Variants in COBL observed in about 807,000 individuals in gnomAD.
The protein encoded by COBL is protein cordon-bleu.
A neutral mutation model predicts 98.8 loss-of-function variants in COBL; 51 were observed. The ratio of observed to expected loss-of-function variants is 0.52; its 90% CI spans 0.41 to 0.65. The LOEUF (loss-of-function observed/expected upper bound fraction) is 0.65, where lower values mean the gene tolerates loss of function less well. Among genes scored for constraint, COBL ranks in the 30% least tolerant of loss-of-function variants. The pLI, the probability that COBL is intolerant of heterozygous loss-of-function variation, is 0.00. For missense variants in COBL, 1,617 were observed against 1,617.5 expected (o/e 1.00, Z 0.01); for synonymous variants, 634 against 651.7 (o/e 0.97, Z 0.41).
intron 1 of COBL, among the ~76,000 whole-genome samples, chr7:51,273,796 A>G (rs1005595083): frequency 6.6e-6 from 1 of 152,204 alleles, no homozygotes; most frequent in Non-Finnish European, 1.5e-5. Context: ...AATTAAATAC[A>G]ATTCCCAAAA....
At chr7:51,204,428 C>G (rs1791454952) in intron 2 of COBL, among the ~76,000 whole-genome samples, 1 of 151,964 alleles carries the variant, frequency 6.6e-6, no homozygotes, top group South Asian at 2.1e-4. Context: ...TGAAATTATC[C>G]CGGGTTACAA....
intron 7 of COBL, chr7:51,070,984 A>G (rs1176620889): frequency 2.6e-5 from 4 of 152,232 alleles, no homozygotes. Flanking sequence ...CACTGGCAAC[A>G]TGGTCTCCAG....
chr7:51,295,477 T>C (rs1351871254), intron 1 of COBL, among the ~76,000 whole-genome samples: 1 of 152,158 alleles, frequency 6.6e-6, no homozygotes, highest in Non-Finnish European at 1.5e-5. Context: ...CTGGGACCAA[T>C]GAAATAATCT....
chr7:51,061,737 G>A (rs1349064599), intron 7 of COBL, among the ~76,000 whole-genome samples: 1 of 152,094 alleles, frequency 6.6e-6, no homozygotes, highest in Non-Finnish European at 1.5e-5. Flanking sequence ...AGGCAGGGAA[G>A]GGTGAATGTG....
Position 51,016,697 on chromosome 7 carries a change from G to A in COBL, c.*854C>T. On this transcript the variant is annotated 3_prime_UTR_variant, in exon 13 of 13. Transcript: ENST00000265136. ...CATCCCTGCTCCTTGACCCTCTGCA[G>A]GATTCCAGAAGGCTCCCAGTGAAGT... 2.7e-6 allele frequency: 1 copy of A among 364,396 alleles called. No homozygotes were observed. The allele number at this position is 364,396 out of a possible 1,614,324, so 22.6% of individuals were successfully genotyped here. A position where few individuals can be genotyped will look rare whatever the true frequency, so the allele number is the denominator to read the frequency against.
At chr7:51,079,537 T>C (rs1031200952) in intron 7 of COBL, among the ~76,000 whole-genome samples, 1 of 152,188 alleles carries the variant, frequency 6.6e-6, no homozygotes. Flanking sequence ...CTTAAACTAG[T>C]AGAGGAGGCA....
chr7:51,279,921 C>T (rs1799662952), intron 1 of COBL, among the ~76,000 whole-genome samples: 1 of 152,088 alleles, frequency 6.6e-6, no homozygotes, highest in South Asian at 2.1e-4. Flanking sequence ...AAGGTTTTTC[C>T]ATGTCTTTCT....
At chr7:51,025,706 C>A (rs1408907267) in intron 11 of COBL, among the ~76,000 whole-genome samples, 2 of 152,188 alleles carry the variant, frequency 1.3e-5, no homozygotes, top group Admixed American at 1.3e-4. Flanking sequence ...TTACAAGCCA[C>A]CCAGTCTGTC....
chr7:51,074,482 A>C (rs757821192), intron 7 of COBL, among the ~76,000 whole-genome samples: 16 of 152,152 alleles, frequency 1.1e-4, no homozygotes, highest in Non-Finnish European at 2.4e-4. Flanking sequence ...GCGTGAAGGT[A>C]ATGATATTTA....
At chr7:51,043,733 C>T in intron 7 of COBL, 41 bp from the exon 8 acceptor site, 4 of 1,561,596 alleles carry the variant, frequency 2.6e-6, no homozygotes, top group Non-Finnish European at 2.6e-6. Flanking sequence ...CCAAACCACT[C>T]TGGCGTCCAT....
At chr7:51,049,787 G>A (rs922812574) in intron 7 of COBL, among the ~76,000 whole-genome samples, 3 of 152,206 alleles carry the variant, frequency 2.0e-5, no homozygotes, top group African/African-American at 7.2e-5. Context: ...TAGTGTCTGT[G>A]TGCACACACG....
intron 6 of COBL, among the ~76,000 whole-genome samples, chr7:51,112,735 A>C (rs1043547625): frequency 1.3e-5 from 2 of 152,194 alleles, no homozygotes; most frequent in Non-Finnish European, 2.9e-5. Flanking sequence ...GGGTCCTTGC[A>C]TAAGAATGCT....
At chr7:51,223,460 C>T (rs1003952571) in intron 1 of COBL, among the ~76,000 whole-genome samples, 2 of 152,202 alleles carry the variant, frequency 1.3e-5, no homozygotes, top group East Asian at 1.9e-4. Flanking sequence ...GGCTCAGTGA[C>T]GTCACACATC....
intron 6 of COBL, among the ~76,000 whole-genome samples, chr7:51,130,146 A>G (rs1798601431): frequency 1.3e-5 from 2 of 152,174 alleles, no homozygotes; most frequent in South Asian, 4.1e-4. Context: ...GTCTGTCCTC[A>G]TCATCTCATA....
chr7:51,177,794 A>C (rs1788530246), intron 5 of COBL, among the ~76,000 whole-genome samples: 1 of 150,568 alleles, frequency 6.6e-6, no homozygotes, highest in Non-Finnish European at 1.5e-5. Context: ...AAATAAATAA[A>C]TAAATAAATA....
At chr7:51,156,406 T>C in intron 5 of COBL, 1 of 985,392 alleles carries the variant, frequency 1.0e-6, no homozygotes, top group Non-Finnish European at 1.2e-6. Flanking sequence ...CTCACCGAAG[T>C]GTCTCTTCTG....
intron 1 of COBL, among the ~76,000 whole-genome samples, chr7:51,288,268 T>C (rs1584411456): frequency 6.6e-6 from 1 of 150,566 alleles, no homozygotes; most frequent in African/African-American, 2.4e-5. Context: ...ACCTTGTCTC[T>C]ACTAAAAATA....
chr7:51,260,245 T>C, intron 1 of COBL: 1 of 537,416 alleles, frequency 1.9e-6, no homozygotes, highest in Non-Finnish European at 3.2e-6. Flanking sequence ...CAAGACCATA[T>C]ACTATTTTTA....
At chr7:51,050,750 C>T (rs754091241) in intron 7 of COBL, among the ~76,000 whole-genome samples, 2 of 152,206 alleles carry the variant, frequency 1.3e-5, no homozygotes, top group African/African-American at 2.4e-5. Flanking sequence ...CAGCTCCTGG[C>T]CCCAACCATG....
Sources: allele counts gnomAD v4.1 joint callset (sites outside exome capture counted in the v4.1 genomes callset), GRCh38; gene constraint gnomAD v4.1.1; transcripts MANE v1.5; gene names NCBI Gene and HGNC (gene_info 2026-07-23, HGNC 2026-07-21).